Variants in PPFIA2 observed in about 807,000 individuals in gnomAD.
The protein encoded by PPFIA2 is liprin-alpha-2.
Under a neutral mutation model 175.5 loss-of-function variants are expected in PPFIA2, and 46 were observed. That is an observed-to-expected ratio of 0.26 (90% CI 0.21 to 0.34). The LOEUF (loss-of-function observed/expected upper bound fraction) is 0.34, where lower values mean the gene tolerates loss of function less well. Ranked by LOEUF, PPFIA2 falls within the 10% of genes least tolerant of loss-of-function variation. The pLI is 1.00. For missense variants in PPFIA2, 1,179 were observed against 1,506.1 expected (o/e 0.78, Z 3.60); for synonymous variants, 568 against 511.4 (o/e 1.11, Z -1.49).
At chr12:81,696,135 T>C (rs926465137) in intron 3 of PPFIA2, among the ~76,000 whole-genome samples, 1 of 152,174 alleles carries the variant, frequency 6.6e-6, no homozygotes, top group Non-Finnish European at 1.5e-5. Context: ...TGTGTTTTAA[T>C]TTCCCACATA....
intron 3 of PPFIA2, among the ~76,000 whole-genome samples, chr12:81,701,065 C>G (rs1005483731): frequency 6.6e-6 from 1 of 152,114 alleles, no homozygotes; most frequent in South Asian, 2.1e-4. Flanking sequence ...TTAAGACTGA[C>G]AGCTTGGGTT....
intron 30 of PPFIA2, among the ~76,000 whole-genome samples, chr12:81,264,469 A>G (rs945436368): frequency 6.6e-6 from 1 of 152,098 alleles, no homozygotes; most frequent in Non-Finnish European, 1.5e-5. Context: ...CTAGGGAAGG[A>G]CTATCTATGC....
chr12:81,535,723 A>G (rs554023543), intron 4 of PPFIA2, among the ~76,000 whole-genome samples: 5 of 151,794 alleles, frequency 3.3e-5, no homozygotes, highest in East Asian at 3.9e-4. Context: ...GTTACTTTAT[A>G]TGAGGAAATG....
intron 4 of PPFIA2, among the ~76,000 whole-genome samples, chr12:81,634,848 A>T (rs1316385690): frequency 6.6e-6 from 1 of 151,656 alleles, no homozygotes; most frequent in Admixed American, 6.6e-5. Context: ...TTCTTTTGTT[A>T]TTTCCCAATA....
chr12:81,504,014 A>C (rs1457016138), intron 4 of PPFIA2, among the ~76,000 whole-genome samples: 1 of 152,102 alleles, frequency 6.6e-6, no homozygotes, highest in Non-Finnish European at 1.5e-5. Flanking sequence ...TTAAAGTTAG[A>C]CAGTGATATA....
At chr12:81,742,207 C>T (rs2082407350) in intron 3 of PPFIA2, among the ~76,000 whole-genome samples, 1 of 152,302 alleles carries the variant, frequency 6.6e-6, no homozygotes, top group Non-Finnish European at 1.5e-5. Flanking sequence ...TCCATTAAGA[C>T]ATTAAGTTAT....
intron 4 of PPFIA2, among the ~76,000 whole-genome samples, chr12:81,461,369 A>G (rs1445588020): frequency 6.6e-6 from 1 of 152,092 alleles, no homozygotes; most frequent in East Asian, 1.9e-4. Context: ...CCTTCTGGCT[A>G]AAAATGGAGT....
intron 2 of PPFIA2, among the ~76,000 whole-genome samples, chr12:81,757,508 T>C (rs529396343): frequency 6.6e-6 from 1 of 152,338 alleles, no homozygotes; most frequent in East Asian, 1.9e-4. Context: ...TTGTTAATTT[T>C]GTTGAGAAAG....
chr12:81,522,361 CAT>C (rs551927154), intron 4 of PPFIA2, among the ~76,000 whole-genome samples: 338 of 152,120 alleles, frequency 2.2e-3, no homozygotes, highest in Admixed American at 6.1e-3. Context: ...GATGCAACTA[CAT>C]ATGTCTTGCA....
intron 4 of PPFIA2, among the ~76,000 whole-genome samples, chr12:81,458,377 T>C (rs557504983): frequency 1.3e-3 from 202 of 151,224 alleles, no homozygotes; most frequent in Middle Eastern, 3.4e-3. Context: ...ATAACAAATA[T>C]GCCTAAGATT....
chr12:81,628,179 C>CT (rs2062944348), intron 4 of PPFIA2, among the ~76,000 whole-genome samples: 1 of 151,972 alleles, frequency 6.6e-6, no homozygotes, highest in South Asian at 2.1e-4. Context: ...TTAAAAAATT[C>CT]TTTTTTTGAA....
At chr12:81,260,035 T>G (rs952174743) in intron 32 of PPFIA2, 1 of 164,010 alleles carries the variant, frequency 6.1e-6, no homozygotes, top group Non-Finnish European at 1.3e-5. Context: ...TATTTTAGAG[T>G]TCTTAAAAAA....
chr12:81,414,236 T>C (rs2044529032), intron 7 of PPFIA2, among the ~76,000 whole-genome samples: 5 of 151,742 alleles, frequency 3.3e-5, no homozygotes, highest in Admixed American at 6.6e-5. Context: ...GCATACACAA[T>C]TTAAATATTT....
intron 20 of PPFIA2, among the ~76,000 whole-genome samples, chr12:81,340,026 T>C (rs1454118224): frequency 4.6e-5 from 7 of 152,154 alleles, no homozygotes; most frequent in South Asian, 2.1e-4. Context: ...ATGGGATCAA[T>C]AGACATTGTT....
At chr12:81,281,585 C>T in intron 26 of PPFIA2, 135 bp from the exon 27 acceptor site, 1 of 554,870 alleles carries the variant, frequency 1.8e-6, no homozygotes, top group Non-Finnish European at 2.9e-6. Flanking sequence ...ATTCAGATAG[C>T]ATTTGATTCG....
At chr12:81,445,135 T>C (rs149428451) in intron 6 of PPFIA2, among the ~76,000 whole-genome samples, 43 of 144,282 alleles carry the variant, frequency 3.0e-4, no homozygotes, top group African/African-American at 1.0e-3. Context: ...GTACATCAAT[T>C]TGCATATCAA....
At chr12:81,598,791 T>G (rs2059514610) in intron 4 of PPFIA2, among the ~76,000 whole-genome samples, 2 of 152,004 alleles carry the variant, frequency 1.3e-5, no homozygotes, top group Non-Finnish European at 2.9e-5. Flanking sequence ...CCAAATATTT[T>G]CCACTTTTCT....
intron 27 of PPFIA2, among the ~76,000 whole-genome samples, chr12:81,280,337 T>C (rs2041784506): frequency 6.6e-6 from 1 of 152,188 alleles, no homozygotes; most frequent in South Asian, 2.1e-4. Flanking sequence ...CCACATTTAA[T>C]TCAACAGTGT....
At chr12:81,278,756 C>T (rs1189400761) in intron 27 of PPFIA2, among the ~76,000 whole-genome samples, 1 of 151,996 alleles carries the variant, frequency 6.6e-6, no homozygotes, top group African/African-American at 2.4e-5. Context: ...TATAAAGATG[C>T]AGAAGATGTG....
Sources: allele counts gnomAD v4.1 joint callset (sites outside exome capture counted in the v4.1 genomes callset), GRCh38; gene constraint gnomAD v4.1.1; transcripts MANE v1.5; gene names NCBI Gene and HGNC (gene_info 2026-07-23, HGNC 2026-07-21).